KIAA1217: variants seen among roughly 807,000 people sequenced by gnomAD.
The protein encoded by KIAA1217 is sickle tail protein homolog.
A neutral mutation model predicts 163.9 loss-of-function variants in KIAA1217; 88 were observed. The observed-to-expected ratio is 0.54, with a 90% confidence interval of 0.45 to 0.64. The LOEUF (loss-of-function observed/expected upper bound fraction) is 0.64, where lower values mean the gene tolerates loss of function less well. Among genes scored for constraint, KIAA1217 ranks in the 30% least tolerant of loss-of-function variants. The probability of loss-of-function intolerance (pLI) is 0.00; values close to 1 mark genes in which losing one functional copy is unlikely to be tolerated. For missense variants in KIAA1217, 2,372 were observed against 2,475.0 expected, an observed-to-expected ratio of 0.96 and a Z score of 0.88; for synonymous variants, 903 against 923.1, an observed-to-expected ratio of 0.98 and a Z score of 0.39.
chr10:24,028,904 A>T (rs1848077126), intron 2 of KIAA1217, among the ~76,000 whole-genome samples: 1 of 152,082 alleles, frequency 6.6e-6, no homozygotes, highest in South Asian at 2.1e-4. Context: ...GCTTTAACCT[A>T]AAAAAATTCT....
chr10:24,111,682 T>C (rs1277879345), intron 2 of KIAA1217, among the ~76,000 whole-genome samples: 1 of 151,738 alleles, frequency 6.6e-6, no homozygotes, highest in Non-Finnish European at 1.5e-5. Flanking sequence ...TGGAAATGTC[T>C]GCAGGCAGAA....
At chr10:24,269,837 T>C (rs1406728162) in intron 2 of KIAA1217, among the ~76,000 whole-genome samples, 3 of 152,204 alleles carry the variant, frequency 2.0e-5, no homozygotes, top group East Asian at 1.9e-4. Flanking sequence ...AGAACTCAAA[T>C]TGACATCTAG....
At chr10:24,117,648 A>T (rs982180742) in intron 2 of KIAA1217, among the ~76,000 whole-genome samples, 4 of 152,126 alleles carry the variant, frequency 2.6e-5, no homozygotes, top group African/African-American at 4.8e-5. Flanking sequence ...AATAAAAATT[A>T]AAAAAGTGAG....
intron 2 of KIAA1217, among the ~76,000 whole-genome samples, chr10:24,033,854 T>A (rs1848288101): frequency 6.6e-6 from 1 of 152,216 alleles, no homozygotes; most frequent in African/African-American, 2.4e-5. Flanking sequence ...TATGGCTATT[T>A]TTACACTCCA....
intron 2 of KIAA1217, among the ~76,000 whole-genome samples, chr10:24,061,557 T>A (rs1195437437): frequency 6.6e-6 from 1 of 152,218 alleles, no homozygotes; most frequent in African/African-American, 2.4e-5. Context: ...TCTTTAGTAT[T>A]TCTTGTAAGG....
intron 1 of KIAA1217, among the ~76,000 whole-genome samples, chr10:23,926,373 A>G (rs1458314067): frequency 6.6e-6 from 1 of 152,218 alleles, no homozygotes; most frequent in Non-Finnish European, 1.5e-5. Flanking sequence ...AATGATGACC[A>G]TGCTAAGAAT....
rs1158049363 is a variant in KIAA1217 at position 24,088,524 on chromosome 10, C to T, written c.-171+81150C>T. Among the ~76,000 whole-genome samples, 10 of 111,522 alleles carry T rather than the reference C, an allele frequency of 9.0e-5. 1 individual carries two copies. In the East Asian group the frequency reaches 1.5e-3, roughly 16 times the overall value. The allele number at this position is 111,522 out of a possible 152,430, so 73.2% of individuals were successfully genotyped here. On this transcript the variant is annotated intron_variant, in intron 2 of 18. Coordinates refer to the KIAA1217 transcript ENST00000376462. ...AGTGTTCTCATTGTTCAATTCCCAC[C>T]TATGACTGAGAACATGCGGTGTTTG...
intron 2 of KIAA1217, among the ~76,000 whole-genome samples, chr10:24,312,055 G>A (rs2042766708): frequency 6.6e-6 from 1 of 152,126 alleles, no homozygotes; most frequent in Admixed American, 6.5e-5. Flanking sequence ...GGTGACCCGA[G>A]GAGAAGCAGG....
chr10:24,296,011 G>T (rs1381959345), intron 2 of KIAA1217, among the ~76,000 whole-genome samples: 1 of 152,152 alleles, frequency 6.6e-6, no homozygotes, highest in Non-Finnish European at 1.5e-5. Context: ...AATGTCCTCT[G>T]CTGGCCAGCA....
At chr10:23,910,520 G>A (rs938234086) in intron 1 of KIAA1217, among the ~76,000 whole-genome samples, 17 of 152,092 alleles carry the variant, frequency 1.1e-4, no homozygotes, top group Non-Finnish European at 5.9e-5. Context: ...TCAGGCAAAG[G>A]CAAGTGATTC....
intron 9 of KIAA1217, among the ~76,000 whole-genome samples, chr10:24,501,802 GC>G (rs2067649732): frequency 3.1e-5 from 4 of 127,584 alleles, no homozygotes; most frequent in Non-Finnish European, 6.2e-5. Context: ...AGGCTGGAGT[GC>G]AGTGGCGCGA....
chr10:23,990,377 G>C lies in KIAA1217; in HGVS notation c.-320-16848G>C, dbSNP rs184795996. Among the ~76,000 whole-genome samples the C allele has an allele frequency of 1.4e-3, 207 of 152,008 alleles. 2 individuals are homozygous for C. Among genetic ancestry groups the C allele is most frequent in the African/African-American group, 4.5e-3 (188 of 41,490 alleles). On this transcript the variant is annotated intron_variant, in intron 1 of 18. Transcript: ENST00000376462. ...CCCTTTTCTACTTCTTTTCATGAAG[G>C]CCTCAAAAATCATTTTTGTCTCTTT...
At chr10:24,229,868 T>A (rs547169939) in intron 2 of KIAA1217, among the ~76,000 whole-genome samples, 4 of 152,198 alleles carry the variant, frequency 2.6e-5, no homozygotes, top group South Asian at 2.1e-4. Context: ...TTTTAGCAAT[T>A]AAGAAATCTA....
At chr10:24,303,607 A>G (rs7919180) in intron 2 of KIAA1217, among the ~76,000 whole-genome samples, 15,024 of 152,192 alleles carry the variant, frequency 0.099, 1,139 homozygotes, top group East Asian at 0.23. Context: ...TCCTGATGTC[A>G]TTTACAGAGA....
chr10:24,341,970 C>T (rs1036369194), intron 2 of KIAA1217, among the ~76,000 whole-genome samples: 2 of 152,132 alleles, frequency 1.3e-5, no homozygotes, highest in African/African-American at 4.8e-5. Context: ...TGTTGATATA[C>T]AGATCTTGGA....
At chr10:24,365,096 C>T (rs1394907810) in intron 2 of KIAA1217, among the ~76,000 whole-genome samples, 1 of 152,182 alleles carries the variant, frequency 6.6e-6, no homozygotes, top group Non-Finnish European at 1.5e-5. Flanking sequence ...TGAGCCACCT[C>T]ACCCATCCTC....
chr10:23,699,944 A>G (rs1239079778), intron 1 of KIAA1217, among the ~76,000 whole-genome samples: 1 of 152,212 alleles, frequency 6.6e-6, no homozygotes, highest in Non-Finnish European at 1.5e-5. Flanking sequence ...CACACAATGG[A>G]CACTTGATGA....
intron 6 of KIAA1217, among the ~76,000 whole-genome samples, chr10:24,490,909 T>A (rs1342158374): frequency 3.9e-5 from 6 of 152,198 alleles, no homozygotes; most frequent in African/African-American, 1.4e-4. Context: ...TCCTCACAGA[T>A]ACAAAAAGGC....
intron 2 of KIAA1217, among the ~76,000 whole-genome samples, chr10:24,167,527 A>G (rs888323379): frequency 6.6e-6 from 1 of 152,080 alleles, no homozygotes; most frequent in Non-Finnish European, 1.5e-5. Context: ...TCTAGCAGTC[A>G]AGGGGTGATT....
Sources: gnomAD v4.1 joint callset for allele counts (sites outside exome capture counted in the v4.1 genomes callset) on GRCh38, gnomAD v4.1.1 for gene constraint, MANE v1.5 for transcripts, NCBI Gene and HGNC (gene_info 2026-07-23, HGNC 2026-07-21) for gene names.